Variants in ZBTB7C observed in about 807,000 individuals in gnomAD.
ZBTB7C encodes the protein zinc finger and BTB domain-containing protein 7C.
A neutral mutation model predicts 25.7 loss-of-function variants in ZBTB7C; 8 were observed. The ratio of observed to expected loss-of-function variants is 0.31; its 90% CI spans 0.18 to 0.56. The LOEUF (loss-of-function observed/expected upper bound fraction) is 0.56. Ranked by LOEUF, ZBTB7C falls within the 20% of genes least tolerant of loss-of-function variation. The pLI is 0.91. For synonymous variants in ZBTB7C, 394 were observed against 369.0 expected, an observed-to-expected ratio of 1.07 and a Z score of -0.78; for missense variants, 824 against 855.2, an observed-to-expected ratio of 0.96 and a Z score of 0.46.
At chr18:48,184,976 T>C (rs1381145563) in intron 3 of ZBTB7C, among the ~76,000 whole-genome samples, 2 of 152,322 alleles carry the variant, frequency 1.3e-5, no homozygotes, top group Admixed American at 1.3e-4. Context: ...GCCATTTTCA[T>C]ATCGTGGAGT....
intron 1 of ZBTB7C, among the ~76,000 whole-genome samples, chr18:48,344,172 C>A (rs541702162): frequency 1.3e-5 from 2 of 152,096 alleles, no homozygotes; most frequent in Admixed American, 1.3e-4. Context: ...TTAGTAGAGA[C>A]GGGGTTTCAC....
rs868465802 is a variant in ZBTB7C at position 48,177,939 on chromosome 18, C to T, written c.-17+7995G>A. ...AGGGAGGCCTCAGACCAGCTGTATC[C>T]CTGGACCAGAGGTCACAGCGCTGGT... is the stretch of plus-strand genomic sequence containing the variant. On this transcript the variant is annotated intron_variant, in intron 3 of 4. Coordinates refer to ENST00000590800, the MANE Select transcript of ZBTB7C (RefSeq NM_001318841.2). 5.3e-5 allele frequency among the ~76,000 whole-genome samples: 8 copies of T among 152,044 alleles called. No homozygotes were observed. In the South Asian group the frequency reaches 8.3e-4, roughly 16 times the overall value.
rs746507452 is a variant in ZBTB7C, at chr18:48,174,590, A to G, written c.-17+11344T>C. On this transcript the variant is annotated intron_variant, in intron 3 of 4. Coordinates refer to ENST00000590800, the MANE Select transcript of ZBTB7C (RefSeq NM_001318841.2). ...GCATATGAAACACACATGCACAAGCATTGTAGCATTATGTAATTGCAGAAT... is the reference window on the plus strand; with the variant it reads ...GCATATGAAACACACATGCACAAGCGTTGTAGCATTATGTAATTGCAGAAT... 1.7e-3 allele frequency among the ~76,000 whole-genome samples: 256 copies of G among 152,374 alleles called. 2 individuals carry two copies. Among genetic ancestry groups the G allele is most frequent in the Non-Finnish European group, 8.7e-4 (59 of 68,032 alleles).
At chr18:48,306,455 T>G (rs1438203630) in intron 2 of ZBTB7C, among the ~76,000 whole-genome samples, 1 of 152,266 alleles carries the variant, frequency 6.6e-6, no homozygotes, top group Non-Finnish European at 1.5e-5. Flanking sequence ...CTCAGTGTTG[T>G]GCAACCATAT....
chr18:48,339,503 G>T (rs560761513), intron 1 of ZBTB7C, among the ~76,000 whole-genome samples: 3 of 152,378 alleles, frequency 2.0e-5, no homozygotes, highest in African/African-American at 7.2e-5. Context: ...GTGGAGGGGT[G>T]TTTGAAAGAC....
rs139842557 is a variant in ZBTB7C at position 48,359,829 on chromosome 18, G to A, written c.-303-21431C>T. 7.5e-4 allele frequency among the ~76,000 whole-genome samples: 115 copies of A among 152,326 alleles called. No individual in the cohort carries two copies. In the East Asian group the frequency reaches 0.02, roughly 26 times the overall value. On this transcript the variant is annotated intron_variant, in intron 1 of 4. Coordinates refer to ENST00000590800, the MANE Select transcript of ZBTB7C (RefSeq NM_001318841.2). ...CAGTGCAGAAGGGAGGAGGGGAAGCGAGAGGCTAGAGACCCCTGCCCTTCT... is the reference window on the plus strand; with the variant it reads ...CAGTGCAGAAGGGAGGAGGGGAAGCAAGAGGCTAGAGACCCCTGCCCTTCT...
intron 3 of ZBTB7C, chr18:48,088,322 A>G (rs1236875936): frequency 6.6e-6 from 1 of 152,244 alleles, no homozygotes; most frequent in Non-Finnish European, 1.5e-5. Context: ...GGAGGGACAC[A>G]TTGCTCTAAG....
intron 3 of ZBTB7C, among the ~76,000 whole-genome samples, chr18:48,065,183 G>A (rs955833738): frequency 1.5e-4 from 22 of 147,702 alleles, no homozygotes; most frequent in Admixed American, 4.2e-4. Context: ...GCTGGACCCC[G>A]CTGCCAGGAC....
intron 3 of ZBTB7C, among the ~76,000 whole-genome samples, chr18:48,127,918 C>T (rs2039858902): frequency 6.6e-6 from 1 of 152,220 alleles, no homozygotes; most frequent in African/African-American, 2.4e-5. Flanking sequence ...AACTCCACAG[C>T]TGCGTGTCCA....
chr18:48,286,112 C>A (rs962162701), intron 2 of ZBTB7C, among the ~76,000 whole-genome samples: 1 of 152,176 alleles, frequency 6.6e-6, no homozygotes, highest in African/African-American at 2.4e-5. Flanking sequence ...GACTTTTAGT[C>A]CCTCTTCTTT....
At chr18:48,289,668 G>A (rs558846603) in intron 2 of ZBTB7C, among the ~76,000 whole-genome samples, 1 of 151,944 alleles carries the variant, frequency 6.6e-6, no homozygotes, top group African/African-American at 2.4e-5. Context: ...ATACAACAGG[G>A]GTCAAAAGAT....
At chr18:48,328,852 C>T (rs566987379) in intron 2 of ZBTB7C, among the ~76,000 whole-genome samples, 1 of 152,340 alleles carries the variant, frequency 6.6e-6, no homozygotes, top group East Asian at 1.9e-4. Flanking sequence ...GGACTCACTA[C>T]ATGGCCGCCA....
intron 1 of ZBTB7C, among the ~76,000 whole-genome samples, chr18:48,347,280 C>G (rs988345945): frequency 4.4e-5 from 6 of 136,304 alleles, no homozygotes; most frequent in African/African-American, 1.6e-4. Flanking sequence ...AGCTCCTGAC[C>G]TCAAGTGATC....
chr18:48,185,453 C>T, intron 3 of ZBTB7C: 1 of 341,070 alleles, frequency 2.9e-6, no homozygotes. Flanking sequence ...TGCTGCCTGG[C>T]ACCTGGTGAT....
intron 3 of ZBTB7C, among the ~76,000 whole-genome samples, chr18:48,055,663 C>T (rs866477497): frequency 6.6e-6 from 1 of 152,210 alleles, no homozygotes; most frequent in Middle Eastern, 3.4e-3. Context: ...GATATTTGCT[C>T]CCAGCCACAG....
At chr18:48,250,138 C>T (rs1217084836) in intron 2 of ZBTB7C, among the ~76,000 whole-genome samples, 2 of 152,174 alleles carry the variant, frequency 1.3e-5, no homozygotes, top group Admixed American at 6.5e-5. Flanking sequence ...CAGTGACATG[C>T]GCAGGGGTCA....
In ZBTB7C at chr18:48,312,069, A is replaced by G. The variant is rs909287497; in HGVS notation, c.-79+26105T>C. Among the ~76,000 whole-genome samples the G allele has an allele frequency of 2.0e-5, 3 of 152,294 alleles. No homozygotes were observed. In the East Asian group the frequency reaches 5.8e-4, roughly 29 times the overall value. ...GTCTGACCCCCTTAGAAGGGAGCCA[A>G]TGCCTGACCTTCAACTACACGTGTA... On this transcript the variant is annotated intron_variant, in intron 2 of 4. Transcript: ENST00000590800.
intron 2 of ZBTB7C, among the ~76,000 whole-genome samples, chr18:48,189,374 TC>T (rs2145149092): frequency 6.6e-6 from 1 of 152,290 alleles, no homozygotes; most frequent in South Asian, 2.1e-4. Flanking sequence ...GGATTTTTTT[TC>T]TTGGAATGTA....
chr18:48,330,114 T>C (rs2046310458), intron 2 of ZBTB7C, among the ~76,000 whole-genome samples: 1 of 152,190 alleles, frequency 6.6e-6, no homozygotes, highest in Non-Finnish European at 1.5e-5. Context: ...AAAATATCAG[T>C]ACTGGCAATA....
Sources: gnomAD v4.1 joint callset for allele counts (sites outside exome capture counted in the v4.1 genomes callset) on GRCh38, gnomAD v4.1.1 for gene constraint, MANE v1.5 for transcripts, NCBI Gene and HGNC (gene_info 2026-07-23, HGNC 2026-07-21) for gene names.